Variants in VPS13B observed in about 807,000 individuals in gnomAD.
VPS13B encodes intermembrane lipid transfer protein VPS13B.
In VPS13B, 285 loss-of-function variants were observed where a neutral mutation model predicts 426.4. The ratio of observed to expected loss-of-function variants is 0.67; its 90% CI spans 0.61 to 0.74. The LOEUF is 0.74. Among genes scored for constraint, VPS13B ranks in the 30% least tolerant of loss-of-function variants. The probability of loss-of-function intolerance (pLI) is 0.00; values close to 1 mark genes in which losing one functional copy is unlikely to be tolerated. For missense variants in VPS13B, 4,537 were observed against 4,782.6 expected, an observed-to-expected ratio of 0.95 and a Z score of 1.51; for synonymous variants, 1,676 against 1,676.4, an observed-to-expected ratio of 1.00 and a Z score of 0.01.
At chr8:99,322,959 A>G (rs1448532288) in intron 19 of VPS13B, among the ~76,000 whole-genome samples, 1 of 152,236 alleles carries the variant, frequency 6.6e-6, no homozygotes, top group East Asian at 1.9e-4. Context: ...AGTATAGAAC[A>G]GAATCAGAAT....
At chr8:99,193,394 A>T (rs1361272731) in intron 17 of VPS13B, among the ~76,000 whole-genome samples, 4 of 152,154 alleles carry the variant, frequency 2.6e-5, no homozygotes, top group Non-Finnish European at 5.9e-5. Flanking sequence ...GTTTGATTAT[A>T]CTGGTAAAAT....
At chr8:99,715,598 A>G (rs1832885691) in intron 36 of VPS13B, among the ~76,000 whole-genome samples, 1 of 152,214 alleles carries the variant, frequency 6.6e-6, no homozygotes, top group African/African-American at 2.4e-5. Flanking sequence ...GGCCTTTGGC[A>G]TTAAACACTG....
intron 21 of VPS13B, among the ~76,000 whole-genome samples, chr8:99,423,134 T>G (rs571730196): frequency 6.6e-6 from 1 of 152,326 alleles, no homozygotes; most frequent in Non-Finnish European, 1.5e-5. Flanking sequence ...CTTTCTTTTT[T>G]GCTGTTACAG....
chr8:99,062,634 A>T (rs989379013), intron 3 of VPS13B, among the ~76,000 whole-genome samples: 5 of 151,506 alleles, frequency 3.3e-5, no homozygotes, highest in African/African-American at 1.2e-4. Context: ...ACGCCTGGCT[A>T]ATTTTGTATT....
intron 21 of VPS13B, among the ~76,000 whole-genome samples, chr8:99,414,990 C>T (rs1259956061): frequency 6.6e-6 from 1 of 152,094 alleles, no homozygotes; most frequent in Non-Finnish European, 1.5e-5. Flanking sequence ...GGATAATATC[C>T]TGAAGACTAT....
intron 25 of VPS13B, among the ~76,000 whole-genome samples, chr8:99,490,798 CTTT>C (rs1820565851): frequency 6.6e-6 from 1 of 152,032 alleles, no homozygotes; most frequent in Non-Finnish European, 1.5e-5. Context: ...CTCTTTTCTT[CTTT>C]ATTAGTCTTG....
At chr8:99,705,296 T>C (rs1226730069) in intron 36 of VPS13B, among the ~76,000 whole-genome samples, 2 of 152,144 alleles carry the variant, frequency 1.3e-5, no homozygotes, top group Non-Finnish European at 2.9e-5. Flanking sequence ...AGTAAAATTA[T>C]CTTAACTTTT....
At chr8:99,133,978 C>T in intron 8 of VPS13B, among the ~76,000 whole-genome samples, 1 of 152,178 alleles carries the variant, frequency 6.6e-6, no homozygotes, top group East Asian at 1.9e-4. Context: ...GGGGTTGCTA[C>T]AGACTTCCAA....
In VPS13B at chr8:99,511,396, G is replaced by A. The variant is rs140797231; in HGVS notation, c.4517G>A (p.Gly1506Asp). Residue 1506 changes from glycine (G) to aspartate (D), a missense_variant, in exon 29 of 62, where the codon GGT becomes GAT. Gly to Asp is a moderately conservative substitution (Grantham distance 94). Around this residue, in one of 2 missense-constraint regions of VPS13B, gnomAD observed 4,311 missense variants for 4,474.3 expected, o/e 0.96. Transcript: ENST00000357162. ...KTQKEKRKSP[G>D]QPMRTHTLTS... is the part of the protein sequence containing the mutation. Reference sequence around the variant, plus strand: ...CAAAAAGAGAAAAGAAAATCTCCTGGTCAGCCCATGAGGACCCATACACTG... The same window carrying A: ...CAAAAAGAGAAAAGAAAATCTCCTGATCAGCCCATGAGGACCCATACACTG... The A allele has an allele frequency of 7.4e-6, 12 of 1,613,624 alleles. No homozygotes were observed. The highest frequency in any genetic ancestry group is 1.3e-5 in the African/African-American group (1 of 74,884).
intron 34 of VPS13B, among the ~76,000 whole-genome samples, chr8:99,653,593 A>G (rs1456669121): frequency 1.3e-5 from 2 of 152,310 alleles, no homozygotes; most frequent in African/African-American, 4.8e-5. Context: ...CAAGGACAAC[A>G]CAGAGCAGCA....
At position 99,135,081 on chromosome 8, in the gene VPS13B, C is replaced by G; in HGVS notation, c.1369C>G (p.Leu457Val). ...IGFVGCRAMC[L>V]KGIMGVKDFE... ...GTTTGTTGGTTGCAGAGCCATGTGC[C>G]TTAAAGGAATTATGGGTGTTAAAGA... The change falls in exon 10 of 62, where the codon CTT (leucine) becomes GTT (valine). Residue 457 changes from leucine (L) to valine (V), a missense_variant. By Grantham distance (32) the Leu-to-Val change is conservative (BLOSUM62 1). Around this residue, in one of 2 missense-constraint regions of VPS13B, gnomAD observed 4,311 missense variants for 4,474.3 expected, o/e 0.96. Transcript: ENST00000357162. 2.5e-6 allele frequency: 4 copies of G among 1,613,448 alleles called. No homozygotes were observed. The highest frequency in any genetic ancestry group is 3.4e-6 in the Non-Finnish European group (4 of 1,179,602).
rs756114369 is a variant in VPS13B, at chr8:99,818,768, T to C, written c.8501T>C (p.Ile2834Thr). The C allele has an allele frequency of 1.2e-6, 2 of 1,614,018 alleles. No homozygotes were observed. The highest frequency in any genetic ancestry group is 1.7e-6 in the Non-Finnish European group (2 of 1,179,948). Residue 2834 changes from isoleucine (I) to threonine (T), a missense_variant, in exon 47 of 62, where the codon ATA (isoleucine) becomes ACA (threonine). Physicochemically the swap from Ile to Thr is moderately conservative, Grantham distance 89 (BLOSUM62 -1). This residue lies in a region of VPS13B where 4,311 missense variants were observed against 4,474.3 expected (regional missense o/e 0.96). Transcript: ENST00000357162. ...MRSHLPDPII[I>T]HLEKRSLGLS... ...AGTCATCTTCCAGACCCCATTATCATACATTTGGAGAAAAGGAGTCTGGGA... is the reference window on the plus strand; with the variant it reads ...AGTCATCTTCCAGACCCCATTATCACACATTTGGAGAAAAGGAGTCTGGGA...
At position 99,195,096 on chromosome 8, in the gene VPS13B, C is replaced by G. The variant is rs138314461; in HGVS notation, c.2515+2039C>G. 2.2e-4 allele frequency among the ~76,000 whole-genome samples: 34 copies of G among 152,250 alleles called. No homozygotes were observed. In the East Asian group the frequency reaches 6.2e-3, roughly 28 times the overall value. ...TCTTGACCTCATGATCTGCCTGCCTCAACCTCCCAAAGTGCTGGGATTATA... is the reference window on the plus strand; with the variant it reads ...TCTTGACCTCATGATCTGCCTGCCTGAACCTCCCAAAGTGCTGGGATTATA... On this transcript the variant is annotated intron_variant, in intron 17 of 61. Coordinates refer to ENST00000357162, the MANE Select transcript of VPS13B (RefSeq NM_152564.5).
intron 43 of VPS13B, among the ~76,000 whole-genome samples, chr8:99,791,229 G>A (rs564534011): frequency 6.6e-6 from 1 of 152,254 alleles, no homozygotes; most frequent in African/African-American, 2.4e-5. Flanking sequence ...GAGTGGTAGT[G>A]GTGGGGAACC....
intron 8 of VPS13B, among the ~76,000 whole-genome samples, chr8:99,133,260 A>G (rs1235030318): frequency 6.6e-6 from 1 of 152,214 alleles, no homozygotes; most frequent in Non-Finnish European, 1.5e-5. Context: ...GCTCATGAAC[A>G]GACCTCTGCT....
At chr8:99,352,649 C>A (rs771466331) in intron 19 of VPS13B, among the ~76,000 whole-genome samples, 1 of 151,962 alleles carries the variant, frequency 6.6e-6, no homozygotes, top group Non-Finnish European at 1.5e-5. Context: ...CATGGTGAAA[C>A]CCTGTCTCTA....
intron 21 of VPS13B, among the ~76,000 whole-genome samples, chr8:99,400,951 C>T (rs1815001789): frequency 1.3e-5 from 2 of 152,092 alleles, no homozygotes; most frequent in South Asian, 2.1e-4. Context: ...GTATTACAGG[C>T]GTTAGCCATT....
chr8:99,055,142 G>A (rs984487600), intron 3 of VPS13B, among the ~76,000 whole-genome samples: 8 of 151,084 alleles, frequency 5.3e-5, no homozygotes, highest in African/African-American at 1.9e-4. Context: ...GTGCTTAAGT[G>A]ATTCTCCAGC....
In VPS13B at chr8:99,143,020, G is replaced by T. The variant is rs1200642903; in HGVS notation, c.1698G>T (p.Leu566Phe). The part of the protein sequence containing the change: ...QDFSSGKSED[L>F]GTVQEKSTKS... ...TTTCTTCAGGGAAAAGTGAAGATTTGGGAACAGTTCAGGAGAAGTCCACCA... is the reference window on the plus strand; with the variant it reads ...TTTCTTCAGGGAAAAGTGAAGATTTTGGAACAGTTCAGGAGAAGTCCACCA... The change falls in exon 13 of 62, where the codon TTG becomes TTT. Residue 566 changes from leucine to phenylalanine, a missense_variant. Around this residue, in one of 2 missense-constraint regions of VPS13B, gnomAD observed 4,311 missense variants for 4,474.3 expected, o/e 0.96. Coordinates refer to ENST00000357162, the MANE Select transcript of VPS13B (RefSeq NM_152564.5). 6.2e-7 allele frequency: 1 copy of T among 1,613,574 alleles called. No homozygotes were observed. Among genetic ancestry groups the T allele is most frequent in the African/African-American group, 1.3e-5 (1 of 74,896 alleles).
Sources: gnomAD v4.1 joint callset for allele counts (sites outside exome capture counted in the v4.1 genomes callset) on GRCh38, gnomAD v4.1.1 for gene constraint, gnomAD v4.1.1 regional missense constraint, MANE v1.5 for transcripts, NCBI Gene and HGNC (gene_info 2026-07-23, HGNC 2026-07-21) for gene names.